The following NDST3 variants were observed in gnomAD, a reference collection of about 807,000 sequenced individuals.
NDST3 encodes the protein N-deacetylase and N-sulfotransferase 3.
A neutral mutation model predicts 96.1 loss-of-function variants in NDST3; 58 were observed. The ratio of observed to expected loss-of-function variants is 0.60; its 90% CI spans 0.49 to 0.75. NDST3 has a LOEUF of 0.75. Ranked by LOEUF, NDST3 falls within the 30% of genes least tolerant of loss-of-function variation. NDST3 has a pLI of 0.00. For synonymous variants in NDST3, 333 were observed against 359.7 expected (o/e 0.93, Z 0.84); for missense variants, 788 against 1,034.2 (o/e 0.76, Z 3.27).
At chr4:118,124,804 T>C (rs1368171323) in intron 4 of NDST3, among the ~76,000 whole-genome samples, 1 of 152,130 alleles carries the variant, frequency 6.6e-6, no homozygotes, top group African/African-American at 2.4e-5. Context: ...GTTGCTATAA[T>C]GCCATTCAGT....
intron 7 of NDST3, among the ~76,000 whole-genome samples, chr4:118,225,117 C>A (rs13104251): frequency 0.052 from 7,856 of 152,254 alleles, 289 homozygotes; most frequent in Non-Finnish European, 0.083. Context: ...GGTACACCAA[C>A]AGCCAACAGC....
chr4:118,102,878 T>C (rs1729877981), intron 2 of NDST3, among the ~76,000 whole-genome samples: 1 of 152,154 alleles, frequency 6.6e-6, no homozygotes, highest in African/African-American at 2.4e-5. Context: ...AATTAGTATC[T>C]GCCATCTGTT....
At position 118,240,661 on chromosome 4, in the gene NDST3, C is replaced by G. The variant is rs767019937; in HGVS notation, c.2256C>G (p.Ile752Met). 2 of 1,613,452 alleles carry G rather than the reference C, an allele frequency of 1.2e-6. No individual in the cohort carries two copies. Among genetic ancestry groups the G allele is most frequent in the African/African-American group, 1.3e-5 (1 of 74,856 alleles). ...CLVPGWYASH[I>M]ERWLVYFPPF... ...TCCCGGGGTGGTATGCCAGCCACAT[C>G]GAGAGATGGCTTGTTTATTTCCCCC... is the stretch of plus-strand genomic sequence containing the variant. The change falls in exon 11 of 14, where the codon ATC becomes ATG. Residue 752 changes from isoleucine to methionine, a missense_variant. Ile to Met is a conservative substitution (Grantham distance 10). This residue lies in a region of NDST3 where 490 missense variants were observed against 708.8 expected (regional missense o/e 0.69). Transcript: ENST00000296499.
chr4:118,056,902 T>C (rs2389503), intron 2 of NDST3, among the ~76,000 whole-genome samples: 114,261 of 151,822 alleles, frequency 0.75, 45,649 homozygotes, highest in South Asian at 0.92. Context: ...ATAAATTATG[T>C]TGTGGGAAAC....
chr4:118,134,104 A>C (rs1221528152), intron 4 of NDST3, among the ~76,000 whole-genome samples: 1 of 152,238 alleles, frequency 6.6e-6, no homozygotes. Flanking sequence ...ATGACAGAAT[A>C]AATTACCTTC....
intron 4 of NDST3, among the ~76,000 whole-genome samples, chr4:118,127,033 T>C (rs1416835574): frequency 1.3e-5 from 2 of 151,870 alleles, no homozygotes; most frequent in African/African-American, 4.8e-5. Context: ...CCATTAGTTA[T>C]TCAGATTACG....
intron 2 of NDST3, among the ~76,000 whole-genome samples, chr4:118,101,061 G>A (rs1465510833): frequency 2.0e-5 from 3 of 151,394 alleles, no homozygotes; most frequent in African/African-American, 7.3e-5. Context: ...GCTAAAATAG[G>A]CCAAAATATA....
At chr4:118,044,011 T>A (rs1724612894) in intron 1 of NDST3, among the ~76,000 whole-genome samples, 1 of 152,176 alleles carries the variant, frequency 6.6e-6, no homozygotes, top group Non-Finnish European at 1.5e-5. Flanking sequence ...AAAATAACTT[T>A]GATAGATTCC....
At chr4:118,227,909 G>A (rs780521952) in intron 8 of NDST3, among the ~76,000 whole-genome samples, 1 of 152,212 alleles carries the variant, frequency 6.6e-6, no homozygotes, top group Non-Finnish European at 1.5e-5. Context: ...ACTGTACCCG[G>A]TCTATAAACT....
At chr4:118,059,759 T>A (rs1353903168) in intron 2 of NDST3, among the ~76,000 whole-genome samples, 2 of 152,080 alleles carry the variant, frequency 1.3e-5, no homozygotes, top group Non-Finnish European at 2.9e-5. Context: ...TAAGTACACA[T>A]AAAAGGGTAG....
At chr4:118,070,379 G>GCTTTA (rs1726957260) in intron 2 of NDST3, among the ~76,000 whole-genome samples, 1 of 152,080 alleles carries the variant, frequency 6.6e-6, no homozygotes, top group African/African-American at 2.4e-5. Flanking sequence ...CCCAGTGAAT[G>GCTTTA]CATGTGTGAG....
intron 2 of NDST3, among the ~76,000 whole-genome samples, chr4:118,071,497 G>A (rs1298571385): frequency 4.6e-5 from 7 of 152,090 alleles, no homozygotes; most frequent in Non-Finnish European, 8.8e-5. Context: ...CCACTAATAA[G>A]TGAGAACATG....
intron 6 of NDST3, 127 bp downstream of exon 6, chr4:118,143,811 A>G (rs1733744141): frequency 2.0e-6 from 2 of 991,762 alleles, no homozygotes; most frequent in African/African-American, 1.7e-5. Context: ...CTGAAACAGT[A>G]GTAAAAACTA....
At chr4:118,191,886 A>G (rs1427063033) in intron 6 of NDST3, among the ~76,000 whole-genome samples, 2 of 152,154 alleles carry the variant, frequency 1.3e-5, no homozygotes, top group African/African-American at 4.8e-5. Flanking sequence ...AGTTGTACTA[A>G]TTTACATTCC....
intron 6 of NDST3, among the ~76,000 whole-genome samples, chr4:118,203,930 A>G (rs1041681768): frequency 1.3e-5 from 2 of 152,104 alleles, no homozygotes; most frequent in Non-Finnish European, 2.9e-5. Context: ...AATTTCCAAA[A>G]CCAAAGTTTG....
chr4:118,167,513 C>T (rs1735631469), intron 6 of NDST3, among the ~76,000 whole-genome samples: 1 of 151,806 alleles, frequency 6.6e-6, no homozygotes, highest in Non-Finnish European at 1.5e-5. Flanking sequence ...TAAATGCAAA[C>T]CTCATCAAAA....
intron 2 of NDST3, among the ~76,000 whole-genome samples, chr4:118,102,661 A>G (rs1382616722): frequency 6.6e-6 from 1 of 152,132 alleles, no homozygotes; most frequent in Non-Finnish European, 1.5e-5. Flanking sequence ...ATTGCTGGGT[A>G]CTTAAGCTTT....
At chr4:118,116,928 A>AT (rs1272702835) in intron 4 of NDST3, among the ~76,000 whole-genome samples, 1 of 152,184 alleles carries the variant, frequency 6.6e-6, no homozygotes, top group African/African-American at 2.4e-5. Context: ...AGTTACATGC[A>AT]TTTTTTAGAA....
chr4:118,095,064 A>T (rs1729181801), intron 2 of NDST3, among the ~76,000 whole-genome samples: 1 of 151,870 alleles, frequency 6.6e-6, no homozygotes, highest in Non-Finnish European at 1.5e-5. Context: ...ATTATACCTT[A>T]ACAGAGCTGG....
Sources: allele counts gnomAD v4.1 joint callset (sites outside exome capture counted in the v4.1 genomes callset), GRCh38; gene constraint gnomAD v4.1.1; regional missense constraint gnomAD v4.1.1; transcripts MANE v1.5; gene names NCBI Gene and HGNC (gene_info 2026-07-23, HGNC 2026-07-21).